PTPRD: variants seen among roughly 807,000 people sequenced by gnomAD.
The protein encoded by PTPRD is receptor-type tyrosine-protein phosphatase delta.
In PTPRD, 34 loss-of-function variants were observed where a neutral mutation model predicts 214.5. The observed-to-expected ratio is 0.16, with a 90% CI of 0.12 to 0.21. The LOEUF (loss-of-function observed/expected upper bound fraction) is 0.21. Among genes scored for constraint, PTPRD ranks in the 10% least tolerant of loss-of-function variants. The pLI, the probability that PTPRD is intolerant of heterozygous loss-of-function variation, is 1.00. For missense variants in PTPRD, 2,545 were observed against 2,398.7 expected, an observed-to-expected ratio of 1.06 and a Z score of -1.27; for synonymous variants, 1,128 against 845.7, an observed-to-expected ratio of 1.33 and a Z score of -5.79.
At chr9:9,488,860 T>C (rs1419405413) in intron 8 of PTPRD, among the ~76,000 whole-genome samples, 3 of 152,130 alleles carry the variant, frequency 2.0e-5, no homozygotes. Flanking sequence ...TGAAGCAGCT[T>C]GCACCCAGAT....
Position 9,879,808 on chromosome 9 carries a change from A to C in PTPRD, c.-368+58699T>G, listed in dbSNP as rs546935841. On this transcript the variant is annotated intron_variant, in intron 5 of 45. Transcript: ENST00000381196. The stretch of plus-strand genomic sequence containing the variant: ...GCTTCTTGGTTTTTCTGATCAGCTT[A>C]ATATTGAAGAACAGCTTGAATTTCC... 3.3e-5 allele frequency among the ~76,000 whole-genome samples: 5 copies of C among 152,308 alleles called. No homozygotes were observed. In the South Asian group the frequency reaches 1.0e-3, roughly 32 times the overall value.
intron 3 of PTPRD, among the ~76,000 whole-genome samples, chr9:10,091,298 A>G (rs1278910277): frequency 6.6e-6 from 1 of 151,458 alleles, no homozygotes; most frequent in Non-Finnish European, 1.5e-5. Context: ...CCAATAGTAA[A>G]AGGAGAATTA....
chr9:9,905,557 T>C (rs191441404), intron 5 of PTPRD, among the ~76,000 whole-genome samples: 8 of 152,066 alleles, frequency 5.3e-5, no homozygotes, highest in Admixed American at 5.3e-4. Flanking sequence ...GGAAATTTTA[T>C]AAAATAACTA....
At chr9:8,437,304 G>T in intron 34 of PTPRD, 1 of 1,219,626 alleles carries the variant, frequency 8.2e-7, no homozygotes. Flanking sequence ...AAAATGAAAT[G>T]GAAAGCCTGA....
intron 9 of PTPRD, among the ~76,000 whole-genome samples, chr9:9,209,060 G>T (rs1272910404): frequency 6.6e-6 from 1 of 151,906 alleles, no homozygotes; most frequent in Non-Finnish European, 1.5e-5. Context: ...GGCCCGCCTT[G>T]GCCTCCCAAA....
chr9:9,917,343 ATCAGAAAT>A (rs1555331646), intron 5 of PTPRD, among the ~76,000 whole-genome samples: 1 of 148,772 alleles, frequency 6.7e-6, no homozygotes. Flanking sequence ...CCTAAATAAA[ATCAGAAAT>A]AAAATCAAAG....
chr9:9,144,988 C>T (rs2099866308), intron 10 of PTPRD, among the ~76,000 whole-genome samples: 1 of 152,140 alleles, frequency 6.6e-6, no homozygotes, highest in South Asian at 2.1e-4. Flanking sequence ...TATTAAGCAA[C>T]TTTTAAACAA....
chr9:9,896,141 T>C (rs565351767), intron 5 of PTPRD, among the ~76,000 whole-genome samples: 34 of 152,138 alleles, frequency 2.2e-4, no homozygotes, highest in African/African-American at 6.5e-4. Context: ...TGAAGTCTTC[T>C]CTAAACACAC....
chr9:8,776,581 T>G (rs2095486207), intron 11 of PTPRD, among the ~76,000 whole-genome samples: 1 of 151,954 alleles, frequency 6.6e-6, no homozygotes, highest in Admixed American at 6.6e-5. Flanking sequence ...AATAAGCCAC[T>G]GCACCCAGCC....
intron 39 of PTPRD, among the ~76,000 whole-genome samples, chr9:8,343,764 A>C (rs1044904977): frequency 6.6e-6 from 1 of 152,108 alleles, no homozygotes; most frequent in African/African-American, 2.4e-5. Context: ...TGTGTGCCCT[A>C]CACAAAGCAT....
intron 5 of PTPRD, among the ~76,000 whole-genome samples, chr9:9,783,013 C>G (rs148865030): frequency 2.8e-4 from 43 of 152,210 alleles, no homozygotes; most frequent in African/African-American, 9.6e-4. Context: ...ACCAAATCAT[C>G]ATGGAATTTA....
intron 14 of PTPRD, among the ~76,000 whole-genome samples, chr9:8,614,253 G>C (rs2095539971): frequency 6.6e-6 from 1 of 152,082 alleles, no homozygotes; most frequent in South Asian, 2.1e-4. Context: ...AATACTTATG[G>C]TGATTTCAGC....
At chr9:9,371,669 T>C (rs1241115634) in intron 9 of PTPRD, among the ~76,000 whole-genome samples, 2 of 152,182 alleles carry the variant, frequency 1.3e-5, no homozygotes, top group Non-Finnish European at 2.9e-5. Context: ...TGAATGTCTT[T>C]GCTCTTGCTT....
intron 3 of PTPRD, among the ~76,000 whole-genome samples, chr9:10,173,561 G>A (rs1019914949): frequency 6.6e-6 from 1 of 151,982 alleles, no homozygotes; most frequent in African/African-American, 2.4e-5. Flanking sequence ...TATTTACATA[G>A]GAATATTCTC....
At chr9:10,507,154 C>G (rs751219156) in intron 2 of PTPRD, among the ~76,000 whole-genome samples, 3 of 152,082 alleles carry the variant, frequency 2.0e-5, no homozygotes, top group Non-Finnish European at 2.9e-5. Flanking sequence ...ACACCAATAA[C>G]AGACAAACAG....
intron 10 of PTPRD, among the ~76,000 whole-genome samples, chr9:9,156,352 T>G (rs2154491867): frequency 7.1e-6 from 1 of 141,364 alleles, no homozygotes; most frequent in East Asian, 2.0e-4. Flanking sequence ...GATATTTATA[T>G]GTATGTTAAT....
At chr9:10,258,478 C>T (rs2093451613) in intron 3 of PTPRD, among the ~76,000 whole-genome samples, 1 of 152,068 alleles carries the variant, frequency 6.6e-6, no homozygotes, top group Non-Finnish European at 1.5e-5. Context: ...GTGTTTAGAT[C>T]ATAATGAAAC....
At chr9:8,972,171 C>A (rs10816023) in intron 11 of PTPRD, among the ~76,000 whole-genome samples, 35,448 of 151,668 alleles carry the variant, frequency 0.23, 4,415 homozygotes, top group East Asian at 0.49. Flanking sequence ...TATACCTTAC[C>A]ATATGCGTTC....
intron 12 of PTPRD, among the ~76,000 whole-genome samples, chr9:8,698,939 T>C (rs2098001139): frequency 6.6e-6 from 1 of 151,118 alleles, no homozygotes; most frequent in African/African-American, 2.5e-5. Flanking sequence ...AATATTATAT[T>C]ATATAATAAT....
Sources: allele counts gnomAD v4.1 joint callset (sites outside exome capture counted in the v4.1 genomes callset), GRCh38; gene constraint gnomAD v4.1.1; transcripts MANE v1.5; gene names NCBI Gene and HGNC (gene_info 2026-07-23, HGNC 2026-07-21).